The following USH2A variants were observed in gnomAD, a reference collection of about 807,000 sequenced individuals.
The protein encoded by USH2A is usherin.
A neutral mutation model predicts 538.9 loss-of-function variants in USH2A; 443 were observed. That is an observed-to-expected ratio of 0.82 (90% CI 0.76 to 0.89). The LOEUF (loss-of-function observed/expected upper bound fraction) is 0.89, where lower values mean the gene tolerates loss of function less well. Ranked by LOEUF, USH2A falls within the 40% of genes least tolerant of loss-of-function variation. The pLI is 0.00. For synonymous variants in USH2A, 2,413 were observed against 2,273.5 expected (o/e 1.06, Z -1.75); for missense variants, 6,633 against 6,324.8 (o/e 1.05, Z -1.65).
intron 49 of USH2A, among the ~76,000 whole-genome samples, 188 bp from the exon 50 acceptor site, chr1:215,799,313 G>A (rs1187426696): frequency 6.6e-6 from 1 of 152,168 alleles, no homozygotes; most frequent in Non-Finnish European, 1.5e-5. Context: ...ACGTGTGTCA[G>A]ATCAGATACA....
intron 3 of USH2A, among the ~76,000 whole-genome samples, chr1:216,384,777 A>C (rs2038977572): frequency 6.6e-6 from 1 of 152,196 alleles, no homozygotes; most frequent in Non-Finnish European, 1.5e-5. Flanking sequence ...AGAATGAAAA[A>C]AAATGAAATA....
intron 60 of USH2A, among the ~76,000 whole-genome samples, chr1:215,737,128 T>C (rs781002649): frequency 1.3e-5 from 2 of 151,904 alleles, no homozygotes; most frequent in Non-Finnish European, 2.9e-5. Flanking sequence ...TGATGAGTCA[T>C]TAAAAGAAAT....
chr1:215,640,839 CCAAA>C, intron 67 of USH2A, 105 bp from the exon 68 acceptor site: 2 of 837,138 alleles, frequency 2.4e-6, no homozygotes, highest in South Asian at 4.3e-5. Context: ...CCGAACCAAT[CCAAA>C]CAAAAAAAAA....
intron 32 of USH2A, among the ~76,000 whole-genome samples, chr1:216,001,373 C>A (rs1668263230): frequency 6.6e-6 from 1 of 151,986 alleles, no homozygotes; most frequent in Non-Finnish European, 1.5e-5. Flanking sequence ...GGGTAGTGCC[C>A]TAGGCTGAAA....
intron 61 of USH2A, among the ~76,000 whole-genome samples, chr1:215,710,021 C>T (rs779542612): frequency 6.6e-6 from 1 of 152,136 alleles, no homozygotes; most frequent in African/African-American, 2.4e-5. Context: ...GTGTTACTTA[C>T]AAGATTGCAA....
intron 9 of USH2A, among the ~76,000 whole-genome samples, chr1:216,318,306 T>C (rs1224677261): frequency 6.6e-6 from 1 of 152,170 alleles, no homozygotes; most frequent in Non-Finnish European, 1.5e-5. Flanking sequence ...TGGATCCCAA[T>C]AGGAAGTGAA....
chr1:215,674,050 G>C (rs1427722413), intron 63 of USH2A, 50 bp downstream of exon 63: 2 of 1,613,400 alleles, frequency 1.2e-6, no homozygotes, highest in Non-Finnish European at 1.7e-6. Flanking sequence ...TCAGGCAATA[G>C]AAAGGTCAGC....
At chr1:216,403,483 T>A (rs190441540) in intron 3 of USH2A, among the ~76,000 whole-genome samples, 5 of 152,136 alleles carry the variant, frequency 3.3e-5, no homozygotes, top group Admixed American at 6.5e-5. Context: ...TTAAAAAAAC[T>A]GCTCCAAATT....
chr1:216,349,634 A>G (rs956508834), intron 4 of USH2A, among the ~76,000 whole-genome samples: 4 of 152,156 alleles, frequency 2.6e-5, no homozygotes, highest in African/African-American at 9.7e-5. Context: ...AACATCAGGA[A>G]GTTACCGTAT....
intron 58 of USH2A, among the ~76,000 whole-genome samples, chr1:215,751,364 T>A (rs2255781): frequency 6.6e-6 from 1 of 151,958 alleles, no homozygotes. Context: ...AGTATTTCTA[T>A]ATTGTACGTT....
Position 216,422,275 on chromosome 1 carries a change from A to G in USH2A, c.62T>C (p.Ile21Thr). Reference sequence around the variant, plus strand: ...GGATATTGAAGCAAAATAGGCAAAGATCAACATTTCAATGACCTGAAACAA... The same window carrying G: ...GGATATTGAAGCAAAATAGGCAAAGGTCAACATTTCAATGACCTGAAACAA... ...GFLFQVIEMLIFAYFASISLT... is the reference protein window; with the variant it reads ...GFLFQVIEMLTFAYFASISLT... The change falls in exon 2 of 72, where the codon ATC (isoleucine) becomes ACC (threonine). Residue 21 changes from isoleucine (I) to threonine (T), a missense_variant. Transcript: ENST00000307340. 3 of 1,613,786 alleles carry G rather than the reference A, an allele frequency of 1.9e-6. No homozygotes were observed. The highest frequency in any genetic ancestry group is 2.5e-6 in the Non-Finnish European group (3 of 1,179,854).
intron 3 of USH2A, among the ~76,000 whole-genome samples, chr1:216,399,404 C>T (rs993476372): frequency 3.3e-4 from 50 of 152,100 alleles, no homozygotes; most frequent in Non-Finnish European, 3.7e-4. Context: ...GCCCCTACTC[C>T]CAGTGGTATT....
chr1:215,680,267 A>ATT lies in USH2A; in HGVS notation c.12175_12176insAA (p.Ile4059LysfsTer5). On this transcript the variant is annotated frameshift_variant, in exon 62 of 72. Transcript: ENST00000307340. LOFTEE classifies it high-confidence loss of function. ...ACTTGGGGAAGATTCTAAGGTTTGAATCAGAGTCCAAGGGCTTAAAATTTC... is the reference window on the plus strand; with the variant it reads ...ACTTGGGGAAGATTCTAAGGTTTGAATTTCAGAGTCCAAGGGCTTAAAATTTC... 1 of 1,614,180 alleles carries ATT rather than the reference A, an allele frequency of 6.2e-7. No homozygotes were observed. The highest frequency in any genetic ancestry group is 8.5e-7 in the Non-Finnish European group (1 of 1,180,014).
At chr1:216,012,656 T>C (rs1668604715) in intron 32 of USH2A, among the ~76,000 whole-genome samples, 1 of 152,122 alleles carries the variant, frequency 6.6e-6, no homozygotes, top group Non-Finnish European at 1.5e-5. Flanking sequence ...TCCTCCGTCT[T>C]CAGGAAAAGT....
At chr1:216,184,954 G>T (rs1217086557) in intron 20 of USH2A, among the ~76,000 whole-genome samples, 1 of 151,944 alleles carries the variant, frequency 6.6e-6, no homozygotes, top group Non-Finnish European at 1.5e-5. Context: ...ACAGGCAAGG[G>T]AAATATCACA....
intron 11 of USH2A, among the ~76,000 whole-genome samples, chr1:216,287,215 T>C (rs1333864173): frequency 6.6e-6 from 1 of 152,170 alleles, no homozygotes; most frequent in Non-Finnish European, 1.5e-5. Flanking sequence ...ATCATAATAA[T>C]TGATGCAGAA....
intron 4 of USH2A, among the ~76,000 whole-genome samples, chr1:216,328,294 T>C (rs1401072381): frequency 1.3e-5 from 2 of 152,116 alleles, no homozygotes; most frequent in African/African-American, 4.8e-5. Context: ...CCAATCTACT[T>C]TGAATTAGGT....
At chr1:215,788,839 T>C (rs1259780856) in intron 51 of USH2A, among the ~76,000 whole-genome samples, 1 of 152,164 alleles carries the variant, frequency 6.6e-6, no homozygotes, top group African/African-American at 2.4e-5. Context: ...TTTTATACAT[T>C]AAGCTTTTAA....
At chr1:215,851,397 A>G (rs894464402) in intron 44 of USH2A, among the ~76,000 whole-genome samples, 1 of 152,184 alleles carries the variant, frequency 6.6e-6, no homozygotes, top group Non-Finnish European at 1.5e-5. Context: ...AATACAAAAG[A>G]TCATTCAAGG....
Sources: gnomAD v4.1 joint callset for allele counts (sites outside exome capture counted in the v4.1 genomes callset) on GRCh38, gnomAD v4.1.1 for gene constraint, MANE v1.5 for transcripts, NCBI Gene and HGNC (gene_info 2026-07-23, HGNC 2026-07-21) for gene names.